The following PCDHA2 variants were observed in gnomAD, a reference collection of about 807,000 sequenced individuals.
PCDHA2 encodes protocadherin alpha-2.
A neutral mutation model predicts 66.0 loss-of-function variants in PCDHA2; 58 were observed. That is an observed-to-expected ratio of 0.88 (90% CI 0.71 to 1.09). The LOEUF is 1.09. Among genes scored for constraint, PCDHA2 ranks in the 50% least tolerant of loss-of-function variants. PCDHA2 has a pLI of 0.00. For missense variants in PCDHA2, 1,267 were observed against 1,242.3 expected, an observed-to-expected ratio of 1.02 and a Z score of -0.30; for synonymous variants, 634 against 554.0, an observed-to-expected ratio of 1.14 and a Z score of -2.03.
At chr5:140,874,134 C>T (rs2054725501) in intron 1 of PCDHA2, among the ~76,000 whole-genome samples, 1 of 152,122 alleles carries the variant, frequency 6.6e-6, no homozygotes, top group African/African-American at 2.4e-5. Flanking sequence ...TTTAAGTTAT[C>T]TTATACTTGT....
At chr5:140,907,913 C>T (rs2073688326) in intron 1 of PCDHA2, among the ~76,000 whole-genome samples, 1 of 152,234 alleles carries the variant, frequency 6.6e-6, no homozygotes, top group Non-Finnish European at 1.5e-5. Context: ...TTTTTGACCA[C>T]TCAGAGAGGT....
At chr5:140,958,264 A>G (rs2153717297) in intron 1 of PCDHA2, among the ~76,000 whole-genome samples, 1 of 152,230 alleles carries the variant, frequency 6.6e-6, no homozygotes, top group Admixed American at 6.5e-5. Flanking sequence ...TTAATTTGGT[A>G]CAAGAAGTAT....
intron 1 of PCDHA2, among the ~76,000 whole-genome samples, chr5:140,898,159 G>A (rs377677002): frequency 1.3e-5 from 2 of 151,916 alleles, no homozygotes; most frequent in South Asian, 2.1e-4. Context: ...CGCTGATGGT[G>A]GTTTCTTTTG....
chr5:140,963,207 CCT>C (rs1246984290), intron 1 of PCDHA2, among the ~76,000 whole-genome samples: 4 of 148,438 alleles, frequency 2.7e-5, no homozygotes, highest in East Asian at 1.9e-4. Flanking sequence ...AAAAAAAAAA[CCT>C]CGTGTTTAGA....
rs57130401 is a variant in PCDHA2, at chr5:140,838,077, AGTGTGTGTGTGTGTGT to A, written c.2388+40764_2388+40779del. On this transcript the variant is annotated intron_variant, in intron 1 of 3. Transcript: ENST00000526136. Reference sequence around the variant, plus strand: ...TTTCCACTTTAAGTTATATATATATAGTGTGTGTGTGTGTGTGTGTGTGTGTGTGTGTGTGTGTGTG... The same window carrying A: ...TTTCCACTTTAAGTTATATATATATAGTGTGTGTGTGTGTGTGTGTGTGTG... 1.6e-3 allele frequency among the ~76,000 whole-genome samples: 130 copies of A among 80,702 alleles called. 1 individual carries two copies. The highest frequency in any genetic ancestry group is 1.6e-3 in the Non-Finnish European group (64 of 41,166). 52.9% of individuals were successfully genotyped at this position (80,702 alleles called of 152,430 possible). A position where few individuals can be genotyped will look rare whatever the true frequency, so the allele number is the denominator to read the frequency against.
intron 1 of PCDHA2, among the ~76,000 whole-genome samples, chr5:140,873,728 T>C (rs1208346643): frequency 6.6e-6 from 1 of 152,190 alleles, no homozygotes; most frequent in African/African-American, 2.4e-5. Flanking sequence ...TGGCGCAATC[T>C]CAGCTCACTG....
chr5:140,808,145 G>A, intron 1 of PCDHA2: 1 of 1,614,118 alleles, frequency 6.2e-7, no homozygotes, highest in African/African-American at 1.3e-5. Flanking sequence ...TGAAATTATT[G>A]TAGAGGGCAT....
chr5:140,887,236 A>G (rs575217506), intron 1 of PCDHA2, among the ~76,000 whole-genome samples: 53 of 151,920 alleles, frequency 3.5e-4, no homozygotes, highest in South Asian at 2.1e-3. Flanking sequence ...AGCTGAGACT[A>G]CCGGCGCCCG....
intron 1 of PCDHA2, chr5:140,869,328 G>C: frequency 1.2e-6 from 2 of 1,613,960 alleles, no homozygotes; most frequent in Non-Finnish European, 1.7e-6. Flanking sequence ...GGGACCTTCT[G>C]GAGGTAAATC....
rs559156187 is a variant in PCDHA2 at position 140,858,121 on chromosome 5, G to A, written c.2388+60769G>A. On this transcript the variant is annotated intron_variant, in intron 1 of 3. Coordinates refer to ENST00000526136, the MANE Select transcript of PCDHA2 (RefSeq NM_018905.3). ...TGGGCGTGGCGCCCGAGGTGGCCCTGGTGGATGTCAACGTGTACCTGATCA... is the reference window on the plus strand; with the variant it reads ...TGGGCGTGGCGCCCGAGGTGGCCCTAGTGGATGTCAACGTGTACCTGATCA... 7 of 1,597,864 alleles carry A rather than the reference G, an allele frequency of 4.4e-6. No individual in the cohort carries two copies. The South Asian group carries it at 5.5e-5, about 13-fold the overall frequency.
chr5:140,971,165 G>A (rs1390176241), intron 1 of PCDHA2, among the ~76,000 whole-genome samples: 1 of 152,136 alleles, frequency 6.6e-6, no homozygotes, highest in Non-Finnish European at 1.5e-5. Context: ...GCTCAGCTTT[G>A]CCACCAGCTG....
chr5:140,863,548 T>C (rs1370374159), intron 1 of PCDHA2: 6 of 380,478 alleles, frequency 1.6e-5, no homozygotes, highest in South Asian at 4.1e-5. Context: ...TGGACTTCAA[T>C]AGGAAATTTT....
intron 1 of PCDHA2, chr5:140,823,233 C>A (rs2150123800): frequency 6.2e-7 from 1 of 1,613,610 alleles, no homozygotes; most frequent in East Asian, 2.2e-5. Context: ...CGCAGGAGAA[C>A]GCCCTGGTGT....
At chr5:140,944,124 G>T (rs922088265) in intron 1 of PCDHA2, among the ~76,000 whole-genome samples, 10 of 152,200 alleles carry the variant, frequency 6.6e-5, no homozygotes, top group Admixed American at 6.5e-4. Context: ...TACCAGAGAA[G>T]AAAAGGTTGA....
At chr5:140,935,894 CTTT>C (rs55841305) in intron 1 of PCDHA2, among the ~76,000 whole-genome samples, 2 of 136,728 alleles carry the variant, frequency 1.5e-5, no homozygotes, top group African/African-American at 2.7e-5. Context: ...TCAATATTAT[CTTT>C]TTTTTTTTTT....
intron 1 of PCDHA2, among the ~76,000 whole-genome samples, chr5:140,885,309 T>C (rs1456816250): frequency 6.6e-6 from 1 of 152,194 alleles, no homozygotes; most frequent in Non-Finnish European, 1.5e-5. Context: ...GTAGGCTTTT[T>C]GTTATTATTT....
intron 1 of PCDHA2, chr5:140,821,956 C>T (rs1767130325): frequency 1.2e-6 from 2 of 1,614,176 alleles, no homozygotes; most frequent in Middle Eastern, 1.7e-4. Flanking sequence ...GCTGGTGCCG[C>T]GCCTGTTCCG....
chr5:140,885,096 A>G (rs2060465078), intron 1 of PCDHA2, among the ~76,000 whole-genome samples: 1 of 152,160 alleles, frequency 6.6e-6, no homozygotes, highest in Non-Finnish European at 1.5e-5. Flanking sequence ...AACTTTTCAC[A>G]TAAATGCTTT....
rs1490529127 is a variant in PCDHA2 at position 140,806,818 on chromosome 5, CT to C, written c.2388+9467del. The C allele has an allele frequency of 8.8e-5, 20 of 228,278 alleles. No homozygotes were observed. The Middle Eastern group carries it at 3.4e-3, about 39-fold the overall frequency. The allele number at this position is 228,278 out of a possible 1,614,324, so 14.1% of individuals were successfully genotyped here. On this transcript the variant is annotated intron_variant, in intron 1 of 3. Transcript: ENST00000526136. ...ATTTCTACTGAAGTAAAAGTTGCCC[CT>C]ATGGCGAAACTAAGGACCACACTCA...
Sources: gnomAD v4.1 joint callset for allele counts (sites outside exome capture counted in the v4.1 genomes callset) on GRCh38, gnomAD v4.1.1 for gene constraint, MANE v1.5 for transcripts, NCBI Gene and HGNC (gene_info 2026-07-23, HGNC 2026-07-21) for gene names.